The following ARHGEF10L variants were observed in gnomAD, a reference collection of about 807,000 sequenced individuals.
ARHGEF10L encodes Rho guanine nucleotide exchange factor 10 like.
Under a neutral mutation model 141.2 loss-of-function variants are expected in ARHGEF10L, and 69 were observed. The observed-to-expected ratio is 0.49, with a 90% CI of 0.40 to 0.60. The LOEUF (loss-of-function observed/expected upper bound fraction) is 0.60. Ranked by LOEUF, ARHGEF10L falls within the 20% of genes least tolerant of loss-of-function variation. The pLI is 0.00. For synonymous variants in ARHGEF10L, 711 were observed against 718.5 expected, an observed-to-expected ratio of 0.99 and a Z score of 0.17; for missense variants, 1,482 against 1,734.3, an observed-to-expected ratio of 0.85 and a Z score of 2.58.
At position 17,627,649 on chromosome 1, in the gene ARHGEF10L, G is replaced by A. The variant is rs945993563; in HGVS notation, c.1584+146G>A. The A allele has an allele frequency of 5.7e-5, 57 of 993,894 alleles. 1 individual carries two copies. The South Asian group carries it at 9.3e-4, about 16-fold the overall frequency. 61.6% of individuals were successfully genotyped at this position (993,894 alleles called of 1,614,324 possible). A position where few individuals can be genotyped will look rare whatever the true frequency, so the allele number is the denominator to read the frequency against. On this transcript the variant is annotated intron_variant, in intron 15 of 28. Transcript: ENST00000361221. The surrounding 1 kb of genome is among the most constrained non-coding windows in gnomAD (Gnocchi z 4.0). ...TGCTCTTCCAAGGATGTGACCTTGG[G>A]GATTGGATCCTCAGCGGGACCCCCA...
intron 25 of ARHGEF10L, among the ~76,000 whole-genome samples, chr1:17,657,018 G>C (rs2062307064): frequency 6.6e-6 from 1 of 152,186 alleles, no homozygotes; most frequent in Non-Finnish European, 1.5e-5. Flanking sequence ...CCCGATGACA[G>C]CTGTATCCCT....
the ARHGEF10L span, among the ~76,000 whole-genome samples, chr1:17,524,527 G>A: frequency 6.6e-6 from 1 of 152,016 alleles, no homozygotes; most frequent in Non-Finnish European, 1.5e-5. Flanking sequence ...AGCCAAGATG[G>A]CACCACTGCA....
chr1:17,638,449 A>C, intron 19 of ARHGEF10L, 113 bp from the exon 20 acceptor site: 2 of 1,479,110 alleles, frequency 1.4e-6, no homozygotes, highest in Non-Finnish European at 1.8e-6. Flanking sequence ...GTGAGGCTCC[A>C]GGACTTCTTC....
intron 22 of ARHGEF10L, 76 bp downstream of exon 22, chr1:17,648,751 C>G: frequency 6.4e-7 from 1 of 1,560,690 alleles, no homozygotes; most frequent in Non-Finnish European, 8.7e-7. Context: ...ACCAGAGTTT[C>G]CAGGGAGCGC....
intron 4 of ARHGEF10L, among the ~76,000 whole-genome samples, chr1:17,592,050 G>C (rs1220323993): frequency 6.6e-6 from 1 of 152,176 alleles, no homozygotes; most frequent in Admixed American, 6.5e-5. Flanking sequence ...GCTTCTCCTG[G>C]TGGACTCTGA....
At chr1:17,547,479 C>T (rs2076958088) in intron 1 of ARHGEF10L, among the ~76,000 whole-genome samples, 1 of 152,188 alleles carries the variant, frequency 6.6e-6, no homozygotes, top group African/African-American at 2.4e-5. Flanking sequence ...TCCCAGAATC[C>T]CGGCCATTAG....
chr1:17,685,399 G>A (rs151188466), intron 26 of ARHGEF10L, among the ~76,000 whole-genome samples: 12 of 152,160 alleles, frequency 7.9e-5, no homozygotes, highest in Admixed American at 1.3e-4. Flanking sequence ...TCCTGCCTCC[G>A]GGCCTTTGCA....
rs538537952 is a variant in ARHGEF10L at position 17,638,823 on chromosome 1, T to A, written c.2171+134T>A. 57 of 1,335,034 alleles carry A rather than the reference T, an allele frequency of 4.3e-5. No individual in the cohort carries two copies. The East Asian group carries it at 1.4e-3, about 32-fold the overall frequency. 82.7% of individuals were successfully genotyped at this position (1,335,034 alleles called of 1,614,324 possible). ...GGTGGGAGTGGATATGTAGGCATCG[T>A]GGGCCATGTCTGGGATAGCATCTGG... On this transcript the variant is annotated intron_variant, in intron 20 of 28. Coordinates refer to ENST00000361221, the MANE Select transcript of ARHGEF10L (RefSeq NM_018125.4).
chr1:17,531,213 G>A, the ARHGEF10L span, among the ~76,000 whole-genome samples: 1 of 152,124 alleles, frequency 6.6e-6, no homozygotes, highest in South Asian at 2.1e-4. Context: ...AAGGGTGAAT[G>A]TGGGATACAG....
At position 17,614,374 on chromosome 1, in the gene ARHGEF10L, C is replaced by T. The variant is rs191254041; in HGVS notation, c.726+1200C>T. ...CTAAGACTGGGCCTTTCCCCCGCTT[C>T]GGCCACACACTGTGGGAATGGGTGG... On this transcript the variant is annotated intron_variant, in intron 8 of 28. Transcript: ENST00000361221. Among the ~76,000 whole-genome samples the T allele has an allele frequency of 2.0e-4, 31 of 152,344 alleles. No homozygotes were observed. The East Asian group carries it at 4.1e-3, about 20-fold the overall frequency.
intron 2 of ARHGEF10L, among the ~76,000 whole-genome samples, chr1:17,582,777 C>T (rs1243344451): frequency 1.3e-5 from 2 of 152,172 alleles, no homozygotes; most frequent in Non-Finnish European, 2.9e-5. Flanking sequence ...TGGCTCTGTC[C>T]TGTCAGCCTC....
At chr1:17,648,462 G>C in intron 21 of ARHGEF10L, 92 bp from the exon 22 acceptor site, 2 of 1,520,612 alleles carry the variant, frequency 1.3e-6, no homozygotes, top group South Asian at 2.5e-5. Context: ...TCTGGGGCCT[G>C]CAGTGGCTCC....
At chr1:17,596,361 G>A (rs1323873069) in intron 4 of ARHGEF10L, among the ~76,000 whole-genome samples, 1 of 152,200 alleles carries the variant, frequency 6.6e-6, no homozygotes, top group Non-Finnish European at 1.5e-5. Flanking sequence ...AGGAGTTTCC[G>A]AGGCGGGCGG....
chr1:17,546,418 T>C (rs1259991429), intron 1 of ARHGEF10L, among the ~76,000 whole-genome samples: 1 of 152,222 alleles, frequency 6.6e-6, no homozygotes, highest in African/African-American at 2.4e-5. Flanking sequence ...GTGCCAGATA[T>C]TTTTCATGCA....
chr1:17,627,373 C>G lies in ARHGEF10L; in HGVS notation c.1454C>G (p.Ser485Trp). ...CCCAGGGGCCATCCGGACAGGCTGT[C>G]GCTGCAGCTGGCCCTCACAGAGCTG... ...NTPRGHPDRL[S>W]LQLALTELET... is the part of the protein sequence containing the mutation. The change falls in exon 15 of 29, where the codon TCG (serine) becomes TGG (tryptophan). Residue 485 changes from serine (S) to tryptophan (W), a missense_variant. Ser to Trp is a radical substitution (Grantham distance 177). Coordinates refer to ENST00000361221, the MANE Select transcript of ARHGEF10L (RefSeq NM_018125.4). The surrounding 1 kb of genome is among the most constrained non-coding windows in gnomAD (Gnocchi z 4.0). 1 of 1,614,094 alleles carries G rather than the reference C, an allele frequency of 6.2e-7. No individual in the cohort carries two copies. Among genetic ancestry groups the G allele is most frequent in the Non-Finnish European group, 8.5e-7 (1 of 1,180,032 alleles).
At position 17,662,271 on chromosome 1, in the gene ARHGEF10L, C is replaced by T. The variant is rs139819085; in HGVS notation, c.2861-2176C>T. Among the ~76,000 whole-genome samples, 581 of 152,226 alleles carry T rather than the reference C, an allele frequency of 3.8e-3. 4 individuals carry two copies. The highest frequency in any genetic ancestry group is 0.014 in the African/African-American group (561 of 41,536). ...CCTGGTGTGCGGACACAGAACGCTG[C>T]GTAACAACCGCTGTCAAGACCCTGA... is the stretch of plus-strand genomic sequence containing the variant. On this transcript the variant is annotated intron_variant, in intron 25 of 28. Transcript: ENST00000361221.
intron 25 of ARHGEF10L, among the ~76,000 whole-genome samples, chr1:17,661,848 G>A (rs1373276344): frequency 6.6e-6 from 1 of 152,036 alleles, no homozygotes; most frequent in Non-Finnish European, 1.5e-5. Flanking sequence ...CGGGTCACTC[G>A]CCCCTCCTGG....
chr1:17,635,203 C>T (rs761534259), intron 18 of ARHGEF10L, among the ~76,000 whole-genome samples, 187 bp downstream of exon 18: 2 of 152,164 alleles, frequency 1.3e-5, no homozygotes, highest in Non-Finnish European at 2.9e-5. Flanking sequence ...CATGGCCTCA[C>T]CTGGGTGTGC....
rs561597079 is a variant in ARHGEF10L at position 17,685,768 on chromosome 1, C to T, written c.3010-1805C>T. On this transcript the variant is annotated intron_variant, in intron 26 of 28. Coordinates refer to ENST00000361221, the MANE Select transcript of ARHGEF10L (RefSeq NM_018125.4). ...GGGCCTGTGCCAAGCTCTCCTCACC[C>T]AGGTACCTGTAATCCTCATAGCAGC... 3.9e-5 allele frequency among the ~76,000 whole-genome samples: 6 copies of T among 152,366 alleles called. No homozygotes were observed. The East Asian group carries it at 1.2e-3, about 29-fold the overall frequency.
Sources: gnomAD v4.1 joint callset for allele counts (sites outside exome capture counted in the v4.1 genomes callset) on GRCh38, gnomAD v4.1.1 for gene constraint, Gnocchi (gnomAD v3.1) non-coding constraint, MANE v1.5 for transcripts, NCBI Gene and HGNC (gene_info 2026-07-23, HGNC 2026-07-21) for gene names.